The following POPDC1 variants were observed in gnomAD, a reference collection of about 807,000 sequenced individuals.
The protein encoded by POPDC1 is popeye domain-containing protein 1.
the POPDC1 span, among the ~76,000 whole-genome samples, chr6:105,109,094 C>G: frequency 6.6e-6 from 1 of 152,250 alleles, no homozygotes; most frequent in Admixed American, 6.5e-5. Context: ...ACTGGGATTA[C>G]AGGCACAGGC....
At chr6:105,129,569 T>A in the POPDC1 span, 1 of 1,503,236 alleles carries the variant, frequency 6.7e-7, no homozygotes, top group Non-Finnish European at 9.1e-7. Flanking sequence ...CTTAATAAAT[T>A]TGATATCCTC....
the POPDC1 span, chr6:105,129,261 A>G: frequency 1.1e-6 from 1 of 915,844 alleles, no homozygotes; most frequent in East Asian, 2.9e-5. Context: ...CCTAAACTTC[A>G]GAGAAATTAT....
chr6:105,102,303 G>C, the POPDC1 span, among the ~76,000 whole-genome samples: 2 of 152,226 alleles, frequency 1.3e-5, no homozygotes, highest in Admixed American at 6.5e-5. Flanking sequence ...GACCACAGAA[G>C]TTTGTCAAGA....
At chr6:105,108,200 A>T in the POPDC1 span, among the ~76,000 whole-genome samples, 10 of 152,294 alleles carry the variant, frequency 6.6e-5, no homozygotes, top group East Asian at 1.9e-4. Flanking sequence ...ACAAAGAAGA[A>T]GATACAGGGT....
chr6:105,108,753 G>A, the POPDC1 span, among the ~76,000 whole-genome samples: 841 of 152,284 alleles, frequency 5.5e-3, 8 homozygotes, highest in African/African-American at 0.019. Flanking sequence ...ATAAATGTAA[G>A]CACTGCCCAC....
the POPDC1 span, among the ~76,000 whole-genome samples, chr6:105,129,974 T>A: frequency 6.6e-6 from 1 of 152,178 alleles, no homozygotes; most frequent in Non-Finnish European, 1.5e-5. Context: ...CCAAATATCA[T>A]GTTGTTTCAT....
chr6:105,127,620 T>G, the POPDC1 span, among the ~76,000 whole-genome samples: 3 of 151,886 alleles, frequency 2.0e-5, no homozygotes, highest in African/African-American at 7.3e-5. Context: ...TTAAATTTTT[T>G]GTAGAGACAG....
chr6:105,122,005 CAGGTAGTG>C, the POPDC1 span, among the ~76,000 whole-genome samples: 6 of 152,192 alleles, frequency 3.9e-5, no homozygotes, highest in Admixed American at 2.0e-4. Flanking sequence ...GCCACTGACA[CAGGTAGTG>C]AGAAGTTGGC....
the POPDC1 span, among the ~76,000 whole-genome samples, chr6:105,112,284 C>T: frequency 5.3e-5 from 8 of 152,072 alleles, no homozygotes; most frequent in African/African-American, 1.9e-4. Context: ...GGAAAGGGAG[C>T]CCTGAGGTGT....
chr6:105,125,442 G>A, the POPDC1 span: 4 of 1,614,196 alleles, frequency 2.5e-6, no homozygotes, highest in Non-Finnish European at 3.4e-6. Flanking sequence ...TTTATCCTCT[G>A]CAGCATAAGT....
chr6:105,134,079 T>C, the POPDC1 span, among the ~76,000 whole-genome samples: 32 of 152,110 alleles, frequency 2.1e-4, no homozygotes, highest in Non-Finnish European at 3.8e-4. Context: ...TCACATCTAT[T>C]TGAAGGCTTA....
the POPDC1 span, chr6:105,129,400 A>T: frequency 6.2e-7 from 1 of 1,611,348 alleles, no homozygotes; most frequent in Non-Finnish European, 8.5e-7. Context: ...TGTATAAAAG[A>T]TACGACAGAT....
At chr6:105,102,317 G>A in the POPDC1 span, among the ~76,000 whole-genome samples, 3 of 152,224 alleles carry the variant, frequency 2.0e-5, no homozygotes, top group Non-Finnish European at 4.4e-5. Flanking sequence ...GTCAAGATCA[G>A]CTGTCATTCA....
At chr6:105,119,176 C>A in the POPDC1 span, among the ~76,000 whole-genome samples, 1 of 116,676 alleles carries the variant, frequency 8.6e-6, no homozygotes, top group Non-Finnish European at 1.8e-5. Flanking sequence ...CAGAGTGAGA[C>A]TCCCTCTCAA....
chr6:105,104,228 C>G, the POPDC1 span, among the ~76,000 whole-genome samples: 1 of 152,118 alleles, frequency 6.6e-6, no homozygotes, highest in African/African-American at 2.4e-5. Context: ...TCAAACTCCA[C>G]CTCCTTCATG....
the POPDC1 span, chr6:105,125,615 A>G: frequency 6.3e-7 from 1 of 1,591,518 alleles, no homozygotes; most frequent in African/African-American, 1.3e-5. Context: ...TCACCAATGC[A>G]GCAGCAATCC....
chr6:105,124,548 T>C, the POPDC1 span: 1 of 1,586,524 alleles, frequency 6.3e-7, no homozygotes, highest in Non-Finnish European at 8.7e-7. Context: ...AAAACATACC[T>C]GGAATTTTTC....
the POPDC1 span, among the ~76,000 whole-genome samples, chr6:105,121,677 G>C: frequency 6.6e-6 from 1 of 152,168 alleles, no homozygotes; most frequent in Non-Finnish European, 1.5e-5. Context: ...ATAACAAACT[G>C]TAAGTTCAGA....
At chr6:105,126,302 A>G in the POPDC1 span, among the ~76,000 whole-genome samples, 1 of 151,248 alleles carries the variant, frequency 6.6e-6, no homozygotes, top group South Asian at 2.1e-4. Flanking sequence ...AAAAAAAATT[A>G]GTACCTATAG....
Sources: gnomAD v4.1 joint callset for allele counts (sites outside exome capture counted in the v4.1 genomes callset) on GRCh38, gnomAD v4.1.1 for gene constraint, MANE v1.5 for transcripts, NCBI Gene and HGNC (gene_info 2026-07-23, HGNC 2026-07-21) for gene names.